Variants in MMP16 observed in about 807,000 individuals in gnomAD.
MMP16 encodes the protein matrix metalloproteinase-16.
A neutral mutation model predicts 67.8 loss-of-function variants in MMP16; 12 were observed. That is an observed-to-expected ratio of 0.18 (90% CI 0.11 to 0.29). The LOEUF (loss-of-function observed/expected upper bound fraction) is 0.29, where lower values mean the gene tolerates loss of function less well. MMP16 is among the 10% of genes least tolerant of loss of function. The pLI, the probability that MMP16 is intolerant of heterozygous loss-of-function variation, is 1.00. For missense variants in MMP16, 475 were observed against 765.7 expected (o/e 0.62, Z 4.48); for synonymous variants, 249 against 255.9 (o/e 0.97, Z 0.26).
chr8:88,282,053 C>G (rs1244069633), intron 1 of MMP16, among the ~76,000 whole-genome samples: 1 of 140,464 alleles, frequency 7.1e-6, no homozygotes, highest in African/African-American at 2.8e-5. Flanking sequence ...AAAATCAATA[C>G]TAAAAATTCC....
chr8:88,046,772 A>C lies in MMP16; in HGVS notation c.1386T>G (p.Tyr462Ter). ...YFFKGDRYWR[Y>*]SEEMKTMDPG... ...GGTCCATTGTTTTCATTTCTTCACT[A>C]TATCTCCAATATCTACAAAGGATAA... The change falls in exon 9 of 10, where the codon TAT becomes TAG. Residue 462 changes from tyrosine to a stop codon, truncating the protein, a stop_gained. Transcript: ENST00000286614. LOFTEE classifies it high-confidence loss of function. The C allele has an allele frequency of 6.3e-7, 1 of 1,595,476 alleles. No homozygotes were observed. The highest frequency in any genetic ancestry group is 8.6e-7 in the Non-Finnish European group (1 of 1,169,410).
At position 88,287,658 on chromosome 8, in the gene MMP16, A is replaced by G. The variant is rs140941549; in HGVS notation, c.132+39417T>C. Reference sequence around the variant, plus strand: ...ATGAATACATAAATGGATGAGTTGTAGGGGCCTAAATATTTGTTGAAAAAA... The same window carrying G: ...ATGAATACATAAATGGATGAGTTGTGGGGGCCTAAATATTTGTTGAAAAAA... On this transcript the variant is annotated intron_variant, in intron 1 of 9. Coordinates refer to ENST00000286614, the MANE Select transcript of MMP16 (RefSeq NM_005941.5). 8.6e-4 allele frequency among the ~76,000 whole-genome samples: 131 copies of G among 152,344 alleles called. No homozygotes were observed. The East Asian group carries it at 0.015, about 18-fold the overall frequency.
chr8:88,274,284 A>C lies in MMP16; in HGVS notation c.132+52791T>G, dbSNP rs541045549. ...TGATGAGTACAATGAAAGAAGAAACAGAAGAAGAATTTAAATATGCTTCTA... is the reference window on the plus strand; with the variant it reads ...TGATGAGTACAATGAAAGAAGAAACCGAAGAAGAATTTAAATATGCTTCTA... On this transcript the variant is annotated intron_variant, in intron 1 of 9. Coordinates refer to ENST00000286614, the MANE Select transcript of MMP16 (RefSeq NM_005941.5). Among the ~76,000 whole-genome samples, 62 of 152,252 alleles carry C rather than the reference A, an allele frequency of 4.1e-4. 1 individual carries two copies. The Middle Eastern group carries it at 0.01, about 25-fold the overall frequency.
intron 4 of MMP16, among the ~76,000 whole-genome samples, chr8:88,147,386 A>C (rs1808311587): frequency 6.6e-6 from 1 of 152,032 alleles, no homozygotes; most frequent in Non-Finnish European, 1.5e-5. Flanking sequence ...TTTTCTTTTT[A>C]GTTACACAGA....
Position 88,041,492 on chromosome 8 carries a change from T to C in MMP16, c.1793A>G (p.Tyr598Cys). The C allele has an allele frequency of 6.2e-7, 1 of 1,614,102 alleles. No homozygotes were observed. The highest frequency in any genetic ancestry group is 8.5e-7 in the Non-Finnish European group (1 of 1,179,958). ...KRKGTPRHIL[Y>C]CKRSMQEWV ...CCACTCTTGCATAGAGCGTTTACAGTACAGTATGTGGCGGGGTGTTCCTTT... is the reference window on the plus strand; with the variant it reads ...CCACTCTTGCATAGAGCGTTTACAGCACAGTATGTGGCGGGGTGTTCCTTT... Residue 598 changes from tyrosine to cysteine, a missense_variant, in exon 10 of 10, where the codon TAC (tyrosine) becomes TGC (cysteine). Physicochemically the swap from Tyr to Cys is radical, Grantham distance 194 (BLOSUM62 -2). Transcript: ENST00000286614. This position sits in a 1 kb window ranked among gnomAD's most constrained non-coding sequence, Gnocchi z 6.0.
intron 4 of MMP16, among the ~76,000 whole-genome samples, chr8:88,147,477 G>C (rs932086723): frequency 2.0e-5 from 3 of 151,620 alleles, no homozygotes; most frequent in Non-Finnish European, 4.4e-5. Flanking sequence ...TTTTTTCTAG[G>C]AATCTTTTCT....
At chr8:88,042,840 T>C in intron 9 of MMP16, among the ~76,000 whole-genome samples, 1 of 152,210 alleles carries the variant, frequency 6.6e-6, no homozygotes, top group East Asian at 1.9e-4. Context: ...ATCCAGTTTT[T>C]TCTTTCTGTC....
intron 4 of MMP16, among the ~76,000 whole-genome samples, chr8:88,160,053 G>A (rs1200080994): frequency 6.6e-6 from 1 of 151,372 alleles, no homozygotes; most frequent in Non-Finnish European, 1.5e-5. Context: ...CATGTGCCAT[G>A]CTGATGTGCT....
At chr8:88,043,170 A>C (rs2118190130) in intron 9 of MMP16, among the ~76,000 whole-genome samples, 1 of 152,306 alleles carries the variant, frequency 6.6e-6, no homozygotes, top group Middle Eastern at 3.4e-3. Context: ...CACGATATTG[A>C]GGATCAGAGA....
At chr8:88,200,616 T>C (rs201473839) in intron 1 of MMP16, among the ~76,000 whole-genome samples, 2 of 152,014 alleles carry the variant, frequency 1.3e-5, no homozygotes, top group East Asian at 3.9e-4. Context: ...CACTTAAATA[T>C]TAAATGTTGT....
intron 8 of MMP16, among the ~76,000 whole-genome samples, chr8:88,050,701 T>C (rs912882577): frequency 6.6e-5 from 10 of 152,200 alleles, no homozygotes; most frequent in Admixed American, 3.9e-4. Flanking sequence ...TGTGGTAGAA[T>C]TGAAATTCAA....
At chr8:88,066,598 T>A (rs1808466124) in intron 7 of MMP16, among the ~76,000 whole-genome samples, 1 of 152,094 alleles carries the variant, frequency 6.6e-6, no homozygotes, top group Admixed American at 6.6e-5. Context: ...TGGCTGACTT[T>A]CAGTAAGAAA....
At chr8:88,182,763 G>A (rs1809001994) in intron 3 of MMP16, among the ~76,000 whole-genome samples, 2 of 152,104 alleles carry the variant, frequency 1.3e-5, no homozygotes, top group South Asian at 4.1e-4. Context: ...ACACAAATGT[G>A]TATACTGGCC....
intron 3 of MMP16, among the ~76,000 whole-genome samples, chr8:88,178,800 T>C (rs920560245): frequency 6.6e-6 from 1 of 152,172 alleles, no homozygotes; most frequent in Non-Finnish European, 1.5e-5. Flanking sequence ...ATATGTTGCC[T>C]TTTCCTTTTT....
intron 1 of MMP16, among the ~76,000 whole-genome samples, chr8:88,255,846 C>T (rs1421420205): frequency 1.3e-5 from 2 of 152,110 alleles, no homozygotes; most frequent in East Asian, 3.9e-4. Flanking sequence ...CTTGGGCAGG[C>T]CTTTTTTGAA....
At chr8:88,257,547 C>T (rs1486390493) in intron 1 of MMP16, among the ~76,000 whole-genome samples, 1 of 152,058 alleles carries the variant, frequency 6.6e-6, no homozygotes, top group African/African-American at 2.4e-5. Context: ...AGATTAATGC[C>T]CTCTAAGGGA....
At chr8:88,244,344 G>A (rs550002255) in intron 1 of MMP16, among the ~76,000 whole-genome samples, 136 of 152,250 alleles carry the variant, frequency 8.9e-4, no homozygotes, top group Non-Finnish European at 1.5e-3. Context: ...AATCTTAAAC[G>A]TGACTGAAAA....
At chr8:88,170,671 A>G (rs1192167972) in intron 3 of MMP16, among the ~76,000 whole-genome samples, 1 of 152,248 alleles carries the variant, frequency 6.6e-6, no homozygotes, top group Non-Finnish European at 1.5e-5. Flanking sequence ...ATAATTTCAG[A>G]TGGTGAGGGG....
intron 2 of MMP16, among the ~76,000 whole-genome samples, chr8:88,188,805 GCCA>G (rs1809120762): frequency 6.6e-6 from 1 of 151,956 alleles, no homozygotes; most frequent in Non-Finnish European, 1.5e-5. Context: ...ACAGGCATGC[GCCA>G]CCACACCTGG....
Sources: gnomAD v4.1 joint callset for allele counts (sites outside exome capture counted in the v4.1 genomes callset) on GRCh38, gnomAD v4.1.1 for gene constraint, Gnocchi (gnomAD v3.1) non-coding constraint, MANE v1.5 for transcripts, NCBI Gene and HGNC (gene_info 2026-07-23, HGNC 2026-07-21) for gene names.